The following MNAT1 variants were observed in gnomAD, a reference collection of about 807,000 sequenced individuals.
The protein encoded by MNAT1 is MNAT1 component of CDK activating kinase.
Under a neutral mutation model 42.0 loss-of-function variants are expected in MNAT1, and 43 were observed. The observed-to-expected ratio is 1.02, with a 90% CI of 0.80 to 1.32. MNAT1 has a LOEUF of 1.32. Ranked by LOEUF, MNAT1 falls within the 40% of genes most tolerant of loss-of-function variation. MNAT1 has a pLI of 0.00. For missense variants in MNAT1, 306 were observed against 350.4 expected (o/e 0.87, Z 1.01); for synonymous variants, 118 against 120.0 (o/e 0.98, Z 0.11).
intron 6 of MNAT1, among the ~76,000 whole-genome samples, chr14:60,820,447 C>A (rs2032848820): frequency 6.6e-6 from 1 of 151,412 alleles, no homozygotes. Flanking sequence ...TTCTAGTTCT[C>A]TTCCTTTTAT....
At chr14:60,753,801 A>G (rs1388092461) in intron 1 of MNAT1, 1 of 152,158 alleles carries the variant, frequency 6.6e-6, no homozygotes, top group Non-Finnish European at 1.5e-5. Flanking sequence ...GCTCCCAGTG[A>G]TTTTTGTCTC....
chr14:60,748,957 C>A (rs552621443), intron 1 of MNAT1, among the ~76,000 whole-genome samples: 1 of 152,160 alleles, frequency 6.6e-6, no homozygotes, highest in Non-Finnish European at 1.5e-5. Context: ...TTTGTTTACC[C>A]CAGTATCACC....
At chr14:60,949,955 G>A (rs2139602789) in intron 7 of MNAT1, among the ~76,000 whole-genome samples, 1 of 152,288 alleles carries the variant, frequency 6.6e-6, no homozygotes, top group South Asian at 2.1e-4. Context: ...TGCTGCTATA[G>A]TCACTAGTCC....
At chr14:60,790,720 T>C (rs537597594) in intron 1 of MNAT1, among the ~76,000 whole-genome samples, 3 of 152,316 alleles carry the variant, frequency 2.0e-5, no homozygotes, top group Non-Finnish European at 4.4e-5. Flanking sequence ...CTCAGAAATA[T>C]GGGATTCACA....
chr14:60,812,171 G>T, intron 5 of MNAT1, 44 bp downstream of exon 5: 2 of 1,471,414 alleles, frequency 1.4e-6, no homozygotes, highest in Non-Finnish European at 1.8e-6. Context: ...CATTCTTCAG[G>T]ATTTACCTTT....
At chr14:60,920,152 C>CA (rs2035624589) in intron 7 of MNAT1, 1 of 152,288 alleles carries the variant, frequency 6.6e-6, no homozygotes, top group Non-Finnish European at 1.5e-5. Context: ...TGGGGCTGGG[C>CA]TTCATGGCAG....
intron 7 of MNAT1, among the ~76,000 whole-genome samples, chr14:60,908,443 G>A (rs577913791): frequency 6.6e-6 from 1 of 151,930 alleles, no homozygotes; most frequent in African/African-American, 2.4e-5. Context: ...TTAACATTAG[G>A]TATATCTTCT....
At chr14:60,793,777 G>A (rs892918152) in intron 1 of MNAT1, among the ~76,000 whole-genome samples, 11 of 151,908 alleles carry the variant, frequency 7.2e-5, no homozygotes, top group Non-Finnish European at 1.6e-4. Context: ...ATTACCCGTG[G>A]GAAGTGAGAT....
intron 5 of MNAT1, among the ~76,000 whole-genome samples, chr14:60,817,087 T>G (rs2032738512): frequency 6.6e-6 from 1 of 151,926 alleles, no homozygotes; most frequent in Non-Finnish European, 1.5e-5. Flanking sequence ...TGATTTAGAG[T>G]ATAAATTGAA....
At chr14:60,929,357 G>A (rs2035838425) in intron 7 of MNAT1, among the ~76,000 whole-genome samples, 1 of 150,666 alleles carries the variant, frequency 6.6e-6, no homozygotes, top group Non-Finnish European at 1.5e-5. Flanking sequence ...AGACACTTTT[G>A]CCTAACCAAA....
intron 7 of MNAT1, among the ~76,000 whole-genome samples, chr14:60,882,599 A>G (rs751219932): frequency 2.0e-5 from 3 of 152,212 alleles, no homozygotes. Flanking sequence ...GTATATACCC[A>G]GCAGTGGGAT....
chr14:60,791,036 T>C (rs2031800208), intron 1 of MNAT1, among the ~76,000 whole-genome samples: 1 of 152,218 alleles, frequency 6.6e-6, no homozygotes, highest in Non-Finnish European at 1.5e-5. Flanking sequence ...ACCCATTTTT[T>C]TGAAAGTGAG....
chr14:60,754,967 A>G (rs1180219689), intron 1 of MNAT1, among the ~76,000 whole-genome samples: 2 of 152,172 alleles, frequency 1.3e-5, no homozygotes, highest in Non-Finnish European at 2.9e-5. Flanking sequence ...TAAGAAATAC[A>G]GTGGAGTTGA....
chr14:60,845,423 G>A (rs1216311760), intron 6 of MNAT1, among the ~76,000 whole-genome samples: 2 of 151,918 alleles, frequency 1.3e-5, no homozygotes, highest in African/African-American at 4.8e-5. Context: ...GCCTATAAGA[G>A]TTACACTGCT....
At chr14:60,784,221 G>T (rs2031567707) in intron 1 of MNAT1, among the ~76,000 whole-genome samples, 3 of 128,732 alleles carry the variant, frequency 2.3e-5, no homozygotes, top group South Asian at 5.0e-4. Flanking sequence ...GCGAGGTTTT[G>T]CCATGTTGGC....
intron 7 of MNAT1, among the ~76,000 whole-genome samples, chr14:60,912,099 C>G (rs941510991): frequency 5.3e-5 from 8 of 152,140 alleles, no homozygotes; most frequent in South Asian, 2.1e-4. Flanking sequence ...CTCTCTTGAT[C>G]TTTGTTGGTT....
chr14:60,879,936 C>A lies in MNAT1; in HGVS notation c.809+101C>A, dbSNP rs979297047. 50 of 1,341,152 alleles carry A rather than the reference C, an allele frequency of 3.7e-5. No homozygotes were observed. In the African/African-American group the frequency reaches 6.8e-4, roughly 18 times the overall value. 83.1% of individuals were successfully genotyped at this position (1,341,152 alleles called of 1,614,324 possible). On this transcript the variant is annotated intron_variant, in intron 7 of 7. Transcript: ENST00000261245. The stretch of plus-strand genomic sequence containing the variant: ...ATTCTTAGATTTTCAGTTTATAGAA[C>A]TTTACTGTTTTGTGAAAAATGAACA...
intron 3 of MNAT1, among the ~76,000 whole-genome samples, chr14:60,801,838 G>C (rs184204878): frequency 6.6e-6 from 1 of 152,116 alleles, no homozygotes; most frequent in African/African-American, 2.4e-5. Flanking sequence ...ATAACCTATA[G>C]CCCTATTCAC....
At chr14:60,916,926 CTG>C (rs2035530193) in intron 7 of MNAT1, among the ~76,000 whole-genome samples, 1 of 151,942 alleles carries the variant, frequency 6.6e-6, no homozygotes, top group African/African-American at 2.4e-5. Flanking sequence ...GCATTCCAGC[CTG>C]TGTGACAGAG....
Sources: gnomAD v4.1 joint callset for allele counts (sites outside exome capture counted in the v4.1 genomes callset) on GRCh38, gnomAD v4.1.1 for gene constraint, MANE v1.5 for transcripts, NCBI Gene and HGNC (gene_info 2026-07-23, HGNC 2026-07-21) for gene names.